Variants in ITCH observed in about 807,000 individuals in gnomAD.
The protein encoded by ITCH is itchy E3 ubiquitin protein ligase.
A neutral mutation model predicts 126.8 loss-of-function variants in ITCH; 28 were observed. The observed-to-expected ratio is 0.22, with a 90% CI of 0.16 to 0.30. ITCH has a LOEUF of 0.30. ITCH is among the 10% of genes least tolerant of loss of function. The pLI is 1.00. For missense variants in ITCH, 631 were observed against 1,032.4 expected (o/e 0.61, Z 5.33); for synonymous variants, 342 against 340.0 (o/e 1.01, Z -0.06).
At chr20:34,457,013 G>A (rs1438261840) in intron 12 of ITCH, among the ~76,000 whole-genome samples, 2 of 152,006 alleles carry the variant, frequency 1.3e-5, no homozygotes, top group South Asian at 2.1e-4. Context: ...ACCTATCTGA[G>A]TTTTCTTATC....
intron 3 of ITCH, among the ~76,000 whole-genome samples, chr20:34,398,811 C>T (rs2146096777): frequency 6.6e-6 from 1 of 151,978 alleles, no homozygotes; most frequent in South Asian, 2.1e-4. Flanking sequence ...AACAAACACA[C>T]CATGAATAAT....
intron 7 of ITCH, among the ~76,000 whole-genome samples, 178 bp downstream of exon 7, chr20:34,424,703 T>TA (rs2146221346): frequency 6.6e-6 from 1 of 152,346 alleles, no homozygotes; most frequent in South Asian, 2.1e-4. Flanking sequence ...GGATTAGAGC[T>TA]ATCTGGAGTG....
At chr20:34,411,444 G>T (rs1187271012) in intron 4 of ITCH, among the ~76,000 whole-genome samples, 1 of 152,258 alleles carries the variant, frequency 6.6e-6, no homozygotes, top group South Asian at 2.1e-4. Context: ...GTGAGCCATT[G>T]CGCCTGGCCG....
chr20:34,421,379 G>A (rs1337479921), intron 6 of ITCH, among the ~76,000 whole-genome samples: 2 of 152,112 alleles, frequency 1.3e-5, no homozygotes, highest in Non-Finnish European at 2.9e-5. Flanking sequence ...GTGGTGGGAG[G>A]GCAGGTCATT....
At chr20:34,416,617 A>G (rs1222983391) in intron 6 of ITCH, among the ~76,000 whole-genome samples, 2 of 152,202 alleles carry the variant, frequency 1.3e-5, no homozygotes, top group African/African-American at 4.8e-5. Context: ...GTACTTACAG[A>G]CACATTTTTG....
chr20:34,494,481 T>C (rs1454534689), intron 23 of ITCH, among the ~76,000 whole-genome samples: 2 of 152,152 alleles, frequency 1.3e-5, no homozygotes, highest in Admixed American at 6.5e-5. Flanking sequence ...CAAATCTTTA[T>C]TCTTTTTTAC....
chr20:34,374,035 C>T (rs2037743147), intron 2 of ITCH, among the ~76,000 whole-genome samples: 4 of 152,074 alleles, frequency 2.6e-5, no homozygotes, highest in Admixed American at 2.6e-4. Flanking sequence ...CAGGTGCCCA[C>T]CACCACGCCT....
At chr20:34,504,456 G>C in intron 24 of ITCH, 53 bp downstream of exon 24, 1 of 1,107,158 alleles carries the variant, frequency 9.0e-7, no homozygotes, top group Non-Finnish European at 1.4e-6. Flanking sequence ...GTTATCTGTA[G>C]CTATTTAAAG....
In ITCH at chr20:34,499,272, C is replaced by CTTTTTTTTTTTTT. The variant is rs386393666; in HGVS notation, c.2417-5037_2417-5025dup. On this transcript the variant is annotated intron_variant, in intron 23 of 24. Coordinates refer to ENST00000374864, the MANE Select transcript of ITCH (RefSeq NM_031483.7). ...TACAGGCGTGAGCCACTGTGCCCAG[C>CTTTTTTTTTTTTT]TTTTTTTTTTTTTTTTTTTTTTTTT... Among the ~76,000 whole-genome samples the CTTTTTTTTTTTTT allele has an allele frequency of 2.6e-4, 6 of 23,030 alleles. 1 individual carries two copies. The highest frequency in any genetic ancestry group is 4.8e-4 in the African/African-American group (3 of 6,294). The allele number at this position is 23,030 out of a possible 152,430, so 15.1% of individuals were successfully genotyped here. A position where few individuals can be genotyped will look rare whatever the true frequency, so the allele number is the denominator to read the frequency against.
At chr20:34,505,694 A>G in intron 24 of ITCH, among the ~76,000 whole-genome samples, 1 of 151,898 alleles carries the variant, frequency 6.6e-6, no homozygotes, top group Non-Finnish European at 1.5e-5. Flanking sequence ...CTGGGACTAT[A>G]GGCAGCATGC....
chr20:34,380,430 G>C (rs2038013402), intron 2 of ITCH, among the ~76,000 whole-genome samples: 1 of 152,028 alleles, frequency 6.6e-6, no homozygotes, highest in South Asian at 2.1e-4. Flanking sequence ...AGAGATACTA[G>C]TTTTGGGCCA....
At chr20:34,371,935 G>T (rs968849780) in intron 2 of ITCH, among the ~76,000 whole-genome samples, 1 of 152,080 alleles carries the variant, frequency 6.6e-6, no homozygotes, top group African/African-American at 2.4e-5. Flanking sequence ...ATTATATTCT[G>T]TGCTTTATGT....
chr20:34,411,318 A>AT (rs959232622), intron 4 of ITCH, among the ~76,000 whole-genome samples: 4 of 151,756 alleles, frequency 2.6e-5, no homozygotes, highest in African/African-American at 4.8e-5. Flanking sequence ...CTCTCAACTA[A>AT]TTTTTTTGTA....
At chr20:34,483,952 C>T (rs1004107176) in intron 20 of ITCH, among the ~76,000 whole-genome samples, 11 of 152,140 alleles carry the variant, frequency 7.2e-5, no homozygotes, top group South Asian at 2.1e-4. Context: ...GAATGGCAGC[C>T]GGCAAAGAGA....
intron 6 of ITCH, among the ~76,000 whole-genome samples, chr20:34,418,335 C>T (rs1980241712): frequency 6.6e-6 from 1 of 152,004 alleles, no homozygotes; most frequent in Admixed American, 6.6e-5. Context: ...CATGTATACT[C>T]TGGATGTGTT....
chr20:34,506,945 C>T (rs954501283), intron 24 of ITCH, among the ~76,000 whole-genome samples: 21 of 152,152 alleles, frequency 1.4e-4, no homozygotes, highest in African/African-American at 5.1e-4. Context: ...TCTGGATATA[C>T]TACATTTTGT....
At chr20:34,402,719 C>T in intron 3 of ITCH, 2 of 417,124 alleles carry the variant, frequency 4.8e-6, no homozygotes, top group Non-Finnish European at 9.4e-6. Flanking sequence ...TTTGTATCCA[C>T]TTTAAATATT....
intron 14 of ITCH, 78 bp from the exon 15 acceptor site, chr20:34,469,970 G>T: frequency 9.6e-7 from 1 of 1,037,406 alleles, no homozygotes; most frequent in Non-Finnish European, 1.5e-6. Flanking sequence ...CTGAGAGAGG[G>T]TGGGATATTT....
intron 2 of ITCH, among the ~76,000 whole-genome samples, chr20:34,371,415 T>C (rs887482019): frequency 2.0e-5 from 3 of 150,506 alleles, no homozygotes; most frequent in African/African-American, 7.3e-5. Context: ...TAGCTGGGAC[T>C]CGGGAGGCCA....
Sources: gnomAD v4.1 joint callset for allele counts (sites outside exome capture counted in the v4.1 genomes callset) on GRCh38, gnomAD v4.1.1 for gene constraint, MANE v1.5 for transcripts, NCBI Gene and HGNC (gene_info 2026-07-23, HGNC 2026-07-21) for gene names.